The following DPP10 variants were observed in gnomAD, a reference collection of about 807,000 sequenced individuals.
The protein encoded by DPP10 is dipeptidyl peptidase like 10.
A neutral mutation model predicts 120.9 loss-of-function variants in DPP10; 33 were observed. That is an observed-to-expected ratio of 0.27 (90% CI 0.21 to 0.37). The LOEUF is 0.37. Among genes scored for constraint, DPP10 ranks in the 10% least tolerant of loss-of-function variants. DPP10 has a pLI of 1.00. For missense variants in DPP10, 816 were observed against 942.8 expected (o/e 0.87, Z 1.76); for synonymous variants, 337 against 326.1 (o/e 1.03, Z -0.36).
At chr2:114,847,144 G>A (rs1437125750) in intron 1 of DPP10, among the ~76,000 whole-genome samples, 1 of 152,076 alleles carries the variant, frequency 6.6e-6, no homozygotes, top group African/African-American at 2.4e-5. Context: ...TAATAGCTGG[G>A]ATTACAGGAG....
chr2:115,197,130 A>T (rs2055336390), intron 1 of DPP10, among the ~76,000 whole-genome samples: 1 of 152,166 alleles, frequency 6.6e-6, no homozygotes, highest in African/African-American at 2.4e-5. Context: ...GGGGTGGCTC[A>T]CGCCTATAAT....
intron 1 of DPP10, among the ~76,000 whole-genome samples, chr2:114,647,702 G>A (rs1696247632): frequency 6.6e-6 from 1 of 150,996 alleles, no homozygotes; most frequent in South Asian, 2.1e-4. Context: ...CTGGTTGTTG[G>A]TTGTGGGACA....
intron 1 of DPP10, among the ~76,000 whole-genome samples, chr2:114,494,422 A>G (rs1682320363): frequency 6.6e-6 from 1 of 152,176 alleles, no homozygotes; most frequent in African/African-American, 2.4e-5. Flanking sequence ...GATATTAAAG[A>G]GAGAAAGGTT....
chr2:114,737,622 A>G (rs1677579313), intron 1 of DPP10, among the ~76,000 whole-genome samples: 1 of 152,212 alleles, frequency 6.6e-6, no homozygotes. Context: ...CTTATTTCAA[A>G]AGGCTGTCAT....
intron 1 of DPP10, among the ~76,000 whole-genome samples, chr2:115,250,862 G>A (rs1218470584): frequency 6.6e-6 from 1 of 152,108 alleles, no homozygotes; most frequent in Admixed American, 6.5e-5. Flanking sequence ...AATGTGTACT[G>A]AACTCCAGTA....
intron 1 of DPP10, among the ~76,000 whole-genome samples, chr2:115,013,854 G>C (rs1288697963): frequency 6.6e-6 from 1 of 152,000 alleles, no homozygotes; most frequent in Admixed American, 6.5e-5. Context: ...AAAGTTCTTA[G>C]AGACCTACAA....
At chr2:115,255,748 G>A (rs368663092) in intron 1 of DPP10, among the ~76,000 whole-genome samples, 28 of 152,224 alleles carry the variant, frequency 1.8e-4, no homozygotes, top group Admixed American at 4.6e-4. Context: ...CTTTGCTTCC[G>A]TTTCCAACAA....
intron 1 of DPP10, among the ~76,000 whole-genome samples, chr2:114,757,519 CA>C (rs1438511016): frequency 6.6e-6 from 1 of 152,018 alleles, no homozygotes; most frequent in Non-Finnish European, 1.5e-5. Context: ...GTTCAGGTAC[CA>C]GAGACCTAAG....
intron 5 of DPP10, among the ~76,000 whole-genome samples, chr2:115,550,508 C>T (rs1466740387): frequency 6.6e-6 from 1 of 152,136 alleles, no homozygotes; most frequent in Non-Finnish European, 1.5e-5. Context: ...GTCTCCAGTG[C>T]ACCTCACAAC....
At chr2:114,468,200 A>G (rs1185140200) in intron 1 of DPP10, among the ~76,000 whole-genome samples, 1 of 152,062 alleles carries the variant, frequency 6.6e-6, no homozygotes, top group African/African-American at 2.4e-5. Flanking sequence ...TACCTTTCTA[A>G]GGTCCAAGGC....
At chr2:115,774,967 A>T (rs1247174253) in intron 13 of DPP10, among the ~76,000 whole-genome samples, 2 of 152,164 alleles carry the variant, frequency 1.3e-5, no homozygotes, top group Non-Finnish European at 2.9e-5. Flanking sequence ...AAGACAATGA[A>T]ATTGAATTGC....
intron 1 of DPP10, among the ~76,000 whole-genome samples, chr2:115,057,890 T>C (rs1249359502): frequency 6.6e-6 from 1 of 152,150 alleles, no homozygotes. Context: ...CTAGTCTGAG[T>C]TTGAGTTTGT....
intron 1 of DPP10, among the ~76,000 whole-genome samples, chr2:114,639,260 C>T (rs1175051013): frequency 1.3e-5 from 2 of 151,854 alleles, no homozygotes; most frequent in African/African-American, 4.9e-5. Flanking sequence ...AGAAACGCTC[C>T]TTTATAAAAC....
At chr2:114,679,036 A>G (rs1406715988) in intron 1 of DPP10, among the ~76,000 whole-genome samples, 1 of 152,162 alleles carries the variant, frequency 6.6e-6, no homozygotes, top group East Asian at 1.9e-4. Context: ...TAGCGCACAG[A>G]CTTTCCTAGG....
At chr2:115,552,981 G>C (rs1283655198) in intron 5 of DPP10, among the ~76,000 whole-genome samples, 1 of 152,058 alleles carries the variant, frequency 6.6e-6, no homozygotes, top group African/African-American at 2.4e-5. Flanking sequence ...TTATTCAGCT[G>C]TGGTGACTCA....
intron 19 of DPP10, among the ~76,000 whole-genome samples, chr2:115,813,131 G>A (rs1384154932): frequency 1.4e-5 from 2 of 147,554 alleles, no homozygotes; most frequent in Non-Finnish European, 1.5e-5. Context: ...ACAGGCGCCC[G>A]CCACCGCGCC....
intron 5 of DPP10, among the ~76,000 whole-genome samples, chr2:115,670,576 A>G (rs2089795804): frequency 1.3e-5 from 2 of 152,106 alleles, no homozygotes; most frequent in African/African-American, 4.8e-5. Flanking sequence ...CAGAAATGTG[A>G]CTACGTTTAG....
intron 1 of DPP10, among the ~76,000 whole-genome samples, chr2:114,510,338 G>A (rs947003493): frequency 2.0e-5 from 3 of 152,196 alleles, no homozygotes; most frequent in African/African-American, 7.2e-5. Flanking sequence ...AGGAGTGGTG[G>A]CTCATGCCTG....
At chr2:114,700,404 G>C (rs1700319415) in intron 1 of DPP10, among the ~76,000 whole-genome samples, 1 of 152,108 alleles carries the variant, frequency 6.6e-6, no homozygotes, top group Non-Finnish European at 1.5e-5. Context: ...AGAAATATGT[G>C]TGTATGTATA....
Sources: gnomAD v4.1 joint callset for allele counts (sites outside exome capture counted in the v4.1 genomes callset) on GRCh38, gnomAD v4.1.1 for gene constraint, MANE v1.5 for transcripts, NCBI Gene and HGNC (gene_info 2026-07-23, HGNC 2026-07-21) for gene names.